PDE4D: variants seen among roughly 807,000 people sequenced by gnomAD.
PDE4D encodes 3',5'-cyclic-AMP phosphodiesterase 4D.
A neutral mutation model predicts 87.4 loss-of-function variants in PDE4D; 24 were observed. The ratio of observed to expected loss-of-function variants is 0.27; its 90% CI spans 0.20 to 0.39. PDE4D has a LOEUF of 0.39. Among genes scored for constraint, PDE4D ranks in the 10% least tolerant of loss-of-function variants. The pLI is 1.00. For synonymous variants in PDE4D, 384 were observed against 383.2 expected, an observed-to-expected ratio of 1.00 and a Z score of -0.02; for missense variants, 714 against 1,041.0, an observed-to-expected ratio of 0.69 and a Z score of 4.32.
intron 1 of PDE4D, among the ~76,000 whole-genome samples, chr5:59,388,048 T>C (rs1787452823): frequency 6.6e-6 from 1 of 152,104 alleles, no homozygotes; most frequent in South Asian, 2.1e-4. Context: ...GTGGTGGTTG[T>C]CATTCTGTGC....
At chr5:60,127,482 C>T (rs1779215201) in intron 2 of PDE4D, 3 of 419,674 alleles carry the variant, frequency 7.1e-6, no homozygotes, top group Non-Finnish European at 1.3e-5. Flanking sequence ...ACAGGTAATG[C>T]CAGCACAGAC....
chr5:59,771,504 A>AAGAAAG (rs1561638054), intron 1 of PDE4D, among the ~76,000 whole-genome samples: 1 of 130,008 alleles, frequency 7.7e-6, no homozygotes, highest in Non-Finnish European at 1.7e-5. Flanking sequence ...AGAGAGAAGA[A>AAGAAAG]AGAAAGAAAG....
intron 1 of PDE4D, among the ~76,000 whole-genome samples, chr5:59,404,858 T>C (rs1006486425): frequency 2.6e-5 from 4 of 152,200 alleles, no homozygotes; most frequent in Non-Finnish European, 4.4e-5. Context: ...CCCAGAACCA[T>C]TTATTGAAGA....
chr5:59,427,802 A>G (rs1795516049), intron 1 of PDE4D, among the ~76,000 whole-genome samples: 1 of 149,684 alleles, frequency 6.7e-6, no homozygotes, highest in Non-Finnish European at 1.5e-5. Flanking sequence ...TGGCCAACAG[A>G]CACAGACCCT....
At chr5:60,275,836 TTTG>T (rs1751304855) in intron 1 of PDE4D, among the ~76,000 whole-genome samples, 2 of 152,308 alleles carry the variant, frequency 1.3e-5, no homozygotes, top group South Asian at 4.1e-4. Flanking sequence ...CATTTGTACT[TTTG>T]TTAAGCTTAA....
intron 1 of PDE4D, among the ~76,000 whole-genome samples, chr5:59,621,729 A>T (rs1312612084): frequency 6.6e-6 from 1 of 152,202 alleles, no homozygotes; most frequent in Non-Finnish European, 1.5e-5. Context: ...CTTTTAATTT[A>T]TCAAGCATTC....
chr5:59,180,260 A>C, intron 5 of PDE4D: 1 of 444,782 alleles, frequency 2.2e-6, no homozygotes, highest in Non-Finnish European at 4.3e-6. Context: ...ATATCATGCT[A>C]ATAACACATG....
chr5:59,215,708 T>G, intron 2 of PDE4D, 69 bp downstream of exon 2: 3 of 1,329,546 alleles, frequency 2.3e-6, no homozygotes, highest in Middle Eastern at 3.7e-4. Flanking sequence ...GTCATTAGTT[T>G]TATTATGTCA....
intron 1 of PDE4D, among the ~76,000 whole-genome samples, chr5:60,337,954 AT>A (rs1293368860): frequency 6.6e-6 from 1 of 152,210 alleles, no homozygotes; most frequent in African/African-American, 2.4e-5. Flanking sequence ...TGTAAAAAAA[AT>A]CTGTATAATG....
chr5:59,077,083 AT>A (rs1765801776), intron 5 of PDE4D, among the ~76,000 whole-genome samples: 1 of 152,210 alleles, frequency 6.6e-6, no homozygotes, highest in South Asian at 2.1e-4. Flanking sequence ...CTTAAATGCT[AT>A]ATGACAATTG....
At chr5:59,175,513 A>C (rs1783700954) in intron 5 of PDE4D, among the ~76,000 whole-genome samples, 2 of 111,288 alleles carry the variant, frequency 1.8e-5, no homozygotes, top group Non-Finnish European at 1.7e-5. Flanking sequence ...ACGGTGTCTC[A>C]CTCTGTCACC....
chr5:60,314,946 TACGTGTGC>T (rs1755414082), intron 1 of PDE4D, among the ~76,000 whole-genome samples: 1 of 152,190 alleles, frequency 6.6e-6, no homozygotes, highest in Non-Finnish European at 1.5e-5. Flanking sequence ...TCAATAAACA[TACGTGTGC>T]ATGTGTCTTT....
At chr5:59,963,258 C>T (rs374257593) in intron 3 of PDE4D, among the ~76,000 whole-genome samples, 53 of 152,290 alleles carry the variant, frequency 3.5e-4, no homozygotes, top group African/African-American at 1.2e-3. Flanking sequence ...ACAAAAATCT[C>T]AGAGGGGTGG....
intron 1 of PDE4D, among the ~76,000 whole-genome samples, chr5:60,502,663 C>T (rs903090632): frequency 3.3e-5 from 5 of 152,104 alleles, no homozygotes; most frequent in African/African-American, 9.7e-5. Flanking sequence ...TGATCCAGAA[C>T]TGAAAGTATG....
rs185160394 is a variant in PDE4D, at chr5:60,197,895, G to A, written c.-89-12208C>T. 6.6e-5 allele frequency among the ~76,000 whole-genome samples: 10 copies of A among 151,684 alleles called. No homozygotes were observed. The East Asian group carries it at 1.9e-3, about 29-fold the overall frequency. On this transcript the variant is annotated intron_variant, in intron 1 of 16. Coordinates refer to the PDE4D transcript ENST00000502484. ...GCCCTTGCAAGGGAATGAGCCCACT[G>A]TGGTGGAGTCATTAACACCCACAAA...
chr5:59,279,439 G>A (rs1391809383), intron 1 of PDE4D, among the ~76,000 whole-genome samples: 1 of 151,972 alleles, frequency 6.6e-6, no homozygotes, highest in Non-Finnish European at 1.5e-5. Context: ...CACTTACTAG[G>A]AATACAGTTG....
chr5:59,014,724 A>T (rs1753613227), intron 6 of PDE4D, among the ~76,000 whole-genome samples: 1 of 152,240 alleles, frequency 6.6e-6, no homozygotes, highest in Admixed American at 6.5e-5. Flanking sequence ...ATTCAATGCC[A>T]TCCCCATCAA....
intron 5 of PDE4D, among the ~76,000 whole-genome samples, chr5:59,106,759 T>A (rs1337819956): frequency 6.6e-6 from 1 of 152,122 alleles, no homozygotes; most frequent in Non-Finnish European, 1.5e-5. Flanking sequence ...AAACTCCATC[T>A]CAAAAACAAC....
chr5:60,309,053 C>G (rs1754761407), intron 1 of PDE4D, among the ~76,000 whole-genome samples: 1 of 151,658 alleles, frequency 6.6e-6, no homozygotes, highest in South Asian at 2.1e-4. Flanking sequence ...GGCTTTCTGC[C>G]TGGATACTCA....
Sources: allele counts gnomAD v4.1 joint callset (sites outside exome capture counted in the v4.1 genomes callset), GRCh38; gene constraint gnomAD v4.1.1; transcripts MANE v1.5; gene names NCBI Gene and HGNC (gene_info 2026-07-23, HGNC 2026-07-21).